Variants in NFASC observed in about 807,000 individuals in gnomAD.
The protein encoded by NFASC is neurofascin homolog.
NFASC carries 43 observed loss-of-function variants against 147.5 expected under a neutral mutation model. The ratio of observed to expected loss-of-function variants is 0.29; its 90% CI spans 0.23 to 0.38. NFASC has a LOEUF of 0.38. NFASC is among the 10% of genes least tolerant of loss of function. NFASC has a pLI of 1.00. For missense variants in NFASC, 1,320 were observed against 1,689.0 expected (o/e 0.78, Z 3.83); for synonymous variants, 622 against 665.5 (o/e 0.93, Z 1.01).
intron 16 of NFASC, 46 bp downstream of exon 16, chr1:204,976,841 C>G (rs1319864731): frequency 5.7e-6 from 9 of 1,587,190 alleles, no homozygotes; most frequent in Non-Finnish European, 7.7e-6. Flanking sequence ...CCACCCCCTC[C>G]CCAGCAGCCA....
intron 8 of NFASC, among the ~76,000 whole-genome samples, chr1:204,964,806 G>A (rs995113130): frequency 1.2e-4 from 19 of 152,290 alleles, no homozygotes; most frequent in African/African-American, 3.4e-4. Flanking sequence ...CCTCAGATAC[G>A]TCTGATTCAT....
At position 204,997,300 on chromosome 1, in the gene NFASC, C is replaced by G. The variant is rs2802808; in HGVS notation, c.2913C>G (p.Ile971Met). The G allele has an allele frequency of 0.29, 464,157 of 1,602,174 alleles. 69,032 individuals carry two copies. Among genetic ancestry groups the G allele is most frequent in the East Asian group, 0.48 (20,968 of 43,868 alleles). ...PIIPTVAPTTIATTTTVATTT... is the reference protein window; with the variant it reads ...PIIPTVAPTTMATTTTVATTT... The stretch of plus-strand genomic sequence containing the variant: ...TCCCAACTGTCGCACCTACCACCAT[C>G]GCCACCACCACCACCGTCGCCACAA... The change falls in exon 25 of 30, where the codon ATC (isoleucine) becomes ATG (methionine). Residue 971 changes from isoleucine (I) to methionine (M), a missense_variant. Transcript: ENST00000339876.
At chr1:205,014,772 A>G (rs1335154198) in intron 29 of NFASC, among the ~76,000 whole-genome samples, 1 of 152,146 alleles carries the variant, frequency 6.6e-6, no homozygotes, top group African/African-American at 2.4e-5. Context: ...GCTGCCTGGA[A>G]ACAGAGGAGG....
chr1:204,867,409 CCA>C (rs34586429), intron 1 of NFASC, among the ~76,000 whole-genome samples: 75,360 of 146,640 alleles, frequency 0.51, 21,308 homozygotes, highest in South Asian at 0.67. Context: ...TCAGAACTCA[CCA>C]CACACACACA....
chr1:204,950,605 T>G, intron 4 of NFASC, 31 bp downstream of exon 4: 1 of 1,606,620 alleles, frequency 6.2e-7, no homozygotes, highest in Non-Finnish European at 8.5e-7. Context: ...TCTGTGCCTC[T>G]GGGAGTTGGG....
intron 1 of NFASC, among the ~76,000 whole-genome samples, chr1:204,887,929 G>C (rs775596019): frequency 4.6e-5 from 7 of 152,130 alleles, no homozygotes; most frequent in Non-Finnish European, 8.8e-5. Context: ...GGAGTTGGAG[G>C]CTGGAAATAC....
chr1:204,926,797 G>C (rs2091684308), intron 2 of NFASC, among the ~76,000 whole-genome samples: 1 of 151,892 alleles, frequency 6.6e-6, no homozygotes, highest in Non-Finnish European at 1.5e-5. Flanking sequence ...ATTCAGGCTG[G>C]GCACAGTGGC....
At position 204,926,245 on chromosome 1, in the gene NFASC, A is replaced by C. The variant is rs1558123670; in HGVS notation, c.-91+5505A>C. On this transcript the variant is annotated intron_variant, in intron 2 of 29. Transcript: ENST00000339876. ...TTTTAGCAATCACTTACTTGGTTTT[A>C]TTAATAAACTTAGTTAATTTAATTC... Among the ~76,000 whole-genome samples the C allele has an allele frequency of 9.9e-5, 15 of 151,348 alleles. 1 individual carries two copies. The South Asian group carries it at 3.1e-3, about 31-fold the overall frequency.
chr1:204,988,308 GAAGA>G (rs1256203733), intron 22 of NFASC, among the ~76,000 whole-genome samples: 2 of 152,200 alleles, frequency 1.3e-5, no homozygotes, highest in East Asian at 1.9e-4. Context: ...TGTTTGAAAG[GAAGA>G]AAGAAAGTGA....
chr1:204,863,221 A>G (rs571411210), intron 1 of NFASC, among the ~76,000 whole-genome samples: 203 of 152,332 alleles, frequency 1.3e-3, no homozygotes, highest in African/African-American at 4.8e-3. Context: ...CCCCAGCTCC[A>G]TGCCATCACC....
intron 1 of NFASC, among the ~76,000 whole-genome samples, chr1:204,904,189 C>G (rs1335399215): frequency 6.6e-6 from 1 of 152,194 alleles, no homozygotes; most frequent in Non-Finnish European, 1.5e-5. Context: ...CCTCCACCTC[C>G]CAGCCTCAGG....
intron 10 of NFASC, 38 bp from the exon 11 acceptor site, chr1:204,970,578 C>G: frequency 6.2e-7 from 1 of 1,612,086 alleles, no homozygotes; most frequent in South Asian, 1.1e-5. Flanking sequence ...TGTCCCATGC[C>G]ATCTAACTCC....
rs186959062 is a variant in NFASC at position 204,925,957 on chromosome 1, A to T, written c.-91+5217A>T. 5.3e-5 allele frequency among the ~76,000 whole-genome samples: 8 copies of T among 152,260 alleles called. No individual in the cohort carries two copies. The East Asian group carries it at 1.5e-3, about 29-fold the overall frequency. On this transcript the variant is annotated intron_variant, in intron 2 of 29. Coordinates refer to ENST00000339876, the MANE Select transcript of NFASC (RefSeq NM_001005388.3). Reference sequence around the variant, plus strand: ...GGAGTCGCACAGATATCTCTTGGGAAAGCTGCTCAGGGAGGGAGAGGTTTC... The same window carrying T: ...GGAGTCGCACAGATATCTCTTGGGATAGCTGCTCAGGGAGGGAGAGGTTTC...
intron 1 of NFASC, among the ~76,000 whole-genome samples, chr1:204,871,771 G>A (rs1014412663): frequency 1.3e-5 from 2 of 152,210 alleles, no homozygotes; most frequent in Non-Finnish European, 2.9e-5. Context: ...ACCAAAACAA[G>A]AGTGAAGACA....
chr1:204,844,670 C>T (rs935441311), intron 1 of NFASC, among the ~76,000 whole-genome samples: 3 of 152,006 alleles, frequency 2.0e-5, no homozygotes, highest in African/African-American at 4.8e-5. Flanking sequence ...CACTTGGGCT[C>T]AATGTAAGAA....
At chr1:204,850,640 T>G (rs1421291868) in intron 1 of NFASC, among the ~76,000 whole-genome samples, 1 of 152,244 alleles carries the variant, frequency 6.6e-6, no homozygotes, top group Non-Finnish European at 1.5e-5. Flanking sequence ...TTCTCCTTTG[T>G]GCGCTCTGTC....
chr1:204,851,757 A>G (rs1015800004), intron 1 of NFASC, among the ~76,000 whole-genome samples: 4 of 152,226 alleles, frequency 2.6e-5, no homozygotes, highest in Non-Finnish European at 5.9e-5. Context: ...TTGTGTTAAA[A>G]CTACACTTTG....
In NFASC at chr1:205,022,752, A is replaced by T. The variant is rs2096408965; in HGVS notation, c.*6213A>T. The stretch of plus-strand genomic sequence containing the variant: ...CCAAATTATTCTGAATTTTTTTTGA[A>T]TCACTGTAAAAAAACTGATTTCTTT... On this transcript the variant is annotated 3_prime_UTR_variant, in exon 30 of 30. Coordinates refer to ENST00000339876, the MANE Select transcript of NFASC (RefSeq NM_001005388.3). The T allele has an allele frequency of 6.6e-6, 1 of 152,156 alleles. No homozygotes were observed. The highest frequency in any genetic ancestry group is 6.5e-5 in the Admixed American group (1 of 15,268). The allele number at this position is 152,156 out of a possible 1,614,324, so 9.4% of individuals were successfully genotyped here.
intron 1 of NFASC, among the ~76,000 whole-genome samples, chr1:204,831,444 G>C (rs1041499983): frequency 2.7e-5 from 4 of 150,866 alleles, no homozygotes; most frequent in Non-Finnish European, 5.9e-5. Flanking sequence ...TCTGGGGTGG[G>C]TGGGCCAGAG....
Sources: allele counts gnomAD v4.1 joint callset (sites outside exome capture counted in the v4.1 genomes callset), GRCh38; gene constraint gnomAD v4.1.1; transcripts MANE v1.5; gene names NCBI Gene and HGNC (gene_info 2026-07-23, HGNC 2026-07-21).